CACNB2: variants seen among roughly 807,000 people sequenced by gnomAD.
CACNB2 encodes the protein calcium voltage-gated channel auxiliary subunit beta 2.
CACNB2 carries 42 observed loss-of-function variants against 73.3 expected under a neutral mutation model. That is an observed-to-expected ratio of 0.57 (90% CI 0.45 to 0.74). The LOEUF is 0.74. CACNB2 is among the 30% of genes least tolerant of loss of function. The pLI, the probability that CACNB2 is intolerant of heterozygous loss-of-function variation, is 0.00. For synonymous variants in CACNB2, 348 were observed against 310.3 expected (o/e 1.12, Z -1.28); for missense variants, 940 against 853.0 (o/e 1.10, Z -1.27).
chr10:18,339,077 A>G (rs1322165389), intron 2 of CACNB2, among the ~76,000 whole-genome samples: 1 of 151,938 alleles, frequency 6.6e-6, no homozygotes, highest in Non-Finnish European at 1.5e-5. Flanking sequence ...CGGTGTAGCT[A>G]GGGACATTTC....
chr10:18,229,321 G>T (rs2036137311), intron 2 of CACNB2, among the ~76,000 whole-genome samples: 1 of 152,074 alleles, frequency 6.6e-6, no homozygotes, highest in African/African-American at 2.4e-5. Context: ...CATATTGAGG[G>T]GTTGAGGCAG....
chr10:18,283,769 GTAAC>G (rs1294140843), intron 2 of CACNB2, among the ~76,000 whole-genome samples: 2 of 152,108 alleles, frequency 1.3e-5, no homozygotes, highest in African/African-American at 4.8e-5. Context: ...GTATACATAT[GTAAC>G]TAACCTGCAC....
intron 3 of CACNB2, among the ~76,000 whole-genome samples, chr10:18,477,900 T>C (rs946570111): frequency 2.0e-5 from 3 of 152,222 alleles, no homozygotes; most frequent in African/African-American, 7.2e-5. Flanking sequence ...TTCATTTTTT[T>C]TTCTTTTGGC....
In CACNB2 at chr10:18,150,991, T is replaced by A; in HGVS notation, c.213+16T>A. 1 of 1,515,582 alleles carries A rather than the reference T, an allele frequency of 6.6e-7. No individual in the cohort carries two copies. Among genetic ancestry groups the A allele is most frequent in the Non-Finnish European group, 9.2e-7 (1 of 1,091,182 alleles). 93.9% of individuals were successfully genotyped at this position (1,515,582 alleles called of 1,614,324 possible). A position where few individuals can be genotyped will look rare whatever the true frequency, so the allele number is the denominator to read the frequency against. On this transcript the variant is annotated intron_variant, in intron 2 of 13. Coordinates refer to ENST00000324631, the MANE Select transcript of CACNB2 (RefSeq NM_201596.3). ...TGTTCGCCAGGTAAGAGTTTTAAGTTCATGGTTTTGATAAGTACCTTAAAA... is the reference window on the plus strand; with the variant it reads ...TGTTCGCCAGGTAAGAGTTTTAAGTACATGGTTTTGATAAGTACCTTAAAA...
chr10:18,187,724 C>T (rs1276583943), intron 2 of CACNB2, among the ~76,000 whole-genome samples: 1 of 152,082 alleles, frequency 6.6e-6, no homozygotes, highest in East Asian at 1.9e-4. Context: ...TCAAGCTGTT[C>T]TTCTAGTACA....
At chr10:18,510,641 C>G (rs2050716965) in intron 6 of CACNB2, among the ~76,000 whole-genome samples, 2 of 152,174 alleles carry the variant, frequency 1.3e-5, no homozygotes, top group South Asian at 4.1e-4. Flanking sequence ...AACTGATGAT[C>G]ACAGCAGGCT....
At chr10:18,460,106 G>A (rs944933256) in intron 3 of CACNB2, among the ~76,000 whole-genome samples, 1 of 152,052 alleles carries the variant, frequency 6.6e-6, no homozygotes, top group Admixed American at 6.6e-5. Context: ...ATATACACAC[G>A]TACACACATA....
At chr10:18,353,738 G>A (rs2041807036) in intron 2 of CACNB2, among the ~76,000 whole-genome samples, 2 of 152,176 alleles carry the variant, frequency 1.3e-5, no homozygotes, top group Non-Finnish European at 2.9e-5. Context: ...TGGATTACCA[G>A]CTTAGTTCTG....
At chr10:18,438,515 C>G (rs1023767865) in intron 3 of CACNB2, among the ~76,000 whole-genome samples, 1 of 152,142 alleles carries the variant, frequency 6.6e-6, no homozygotes, top group African/African-American at 2.4e-5. Context: ...GTAGCTGCAG[C>G]CTCGCGGTCC....
intron 2 of CACNB2, among the ~76,000 whole-genome samples, chr10:18,195,598 C>A (rs1050783976): frequency 2.0e-5 from 3 of 152,194 alleles, no homozygotes; most frequent in Non-Finnish European, 4.4e-5. Context: ...CAGAGAGATG[C>A]GCAGCAATGC....
chr10:18,374,717 T>C (rs899775698), intron 2 of CACNB2, among the ~76,000 whole-genome samples: 1 of 152,204 alleles, frequency 6.6e-6, no homozygotes, highest in Non-Finnish European at 1.5e-5. Flanking sequence ...TTTCATGTCC[T>C]GTGCAACAGC....
intron 1 of CACNB2, among the ~76,000 whole-genome samples, chr10:18,150,489 C>A (rs985526661): frequency 1.6e-4 from 24 of 152,288 alleles, no homozygotes; most frequent in Non-Finnish European, 2.8e-4. Flanking sequence ...CATGGAGAAA[C>A]CCTGTCTCTA....
At chr10:18,219,733 T>C (rs555083248) in intron 2 of CACNB2, among the ~76,000 whole-genome samples, 105 of 152,056 alleles carry the variant, frequency 6.9e-4, no homozygotes, top group African/African-American at 2.3e-3. Flanking sequence ...GTTATTCATC[T>C]TATCTCTGGC....
intron 2 of CACNB2, among the ~76,000 whole-genome samples, chr10:18,270,935 C>T (rs542955765): frequency 6.6e-6 from 1 of 152,154 alleles, no homozygotes; most frequent in South Asian, 2.1e-4. Context: ...CAAATTTTTA[C>T]TCTTTCACTA....
chr10:18,450,506 G>A (rs181733504), intron 3 of CACNB2, among the ~76,000 whole-genome samples: 1 of 152,256 alleles, frequency 6.6e-6, no homozygotes, highest in Non-Finnish European at 1.5e-5. Context: ...TGGGCCGTAA[G>A]GAATCCCCCA....
intron 2 of CACNB2, among the ~76,000 whole-genome samples, chr10:18,233,741 G>A (rs1440625709): frequency 6.6e-6 from 1 of 152,148 alleles, no homozygotes; most frequent in African/African-American, 2.4e-5. Context: ...TCAAGCTCCC[G>A]CTGAGTGTGA....
chr10:18,238,017 T>A (rs2036515045), intron 2 of CACNB2, among the ~76,000 whole-genome samples: 2 of 152,186 alleles, frequency 1.3e-5, no homozygotes, highest in Non-Finnish European at 2.9e-5. Flanking sequence ...CATATCCTAG[T>A]TTGGACCTCA....
intron 2 of CACNB2, among the ~76,000 whole-genome samples, chr10:18,310,695 T>G (rs966669597): frequency 6.9e-6 from 1 of 145,118 alleles, no homozygotes; most frequent in Non-Finnish European, 1.5e-5. Context: ...TTCTCCTGCC[T>G]CAGCCTCCCT....
rs78308268 is a variant in CACNB2 at position 18,214,340 on chromosome 10, C to T, written c.213+63365C>T. 2.1e-4 allele frequency among the ~76,000 whole-genome samples: 16 copies of T among 75,864 alleles called. 3 individuals carry two copies. The highest frequency in any genetic ancestry group is 4.9e-4 in the African/African-American group (16 of 32,588). 49.8% of individuals were successfully genotyped at this position (75,864 alleles called of 152,430 possible). A position where few individuals can be genotyped will look rare whatever the true frequency, so the allele number is the denominator to read the frequency against. ...GGATGCTTTTAAAAATATTTAACAACTGTGACTGGGTGCAGTGGCTCACGC... is the reference window on the plus strand; with the variant it reads ...GGATGCTTTTAAAAATATTTAACAATTGTGACTGGGTGCAGTGGCTCACGC... On this transcript the variant is annotated intron_variant, in intron 2 of 13. Transcript: ENST00000324631.
Sources: gnomAD v4.1 joint callset for allele counts (sites outside exome capture counted in the v4.1 genomes callset) on GRCh38, gnomAD v4.1.1 for gene constraint, MANE v1.5 for transcripts, NCBI Gene and HGNC (gene_info 2026-07-23, HGNC 2026-07-21) for gene names.